Variants in COL5A3 observed in about 807,000 individuals in gnomAD.
COL5A3 encodes the protein collagen type V alpha 3 chain, also known as collagen alpha-3(V) chain.
In COL5A3, 172 loss-of-function variants were observed where a neutral mutation model predicts 250.0. That is an observed-to-expected ratio of 0.69 (90% CI 0.61 to 0.78). The LOEUF (loss-of-function observed/expected upper bound fraction) is 0.78, where lower values mean the gene tolerates loss of function less well. Among genes scored for constraint, COL5A3 ranks in the 30% least tolerant of loss-of-function variants. The probability of loss-of-function intolerance (pLI) is 0.00; values close to 1 mark genes in which losing one functional copy is unlikely to be tolerated. For missense variants in COL5A3, 2,340 were observed against 2,334.4 expected, an observed-to-expected ratio of 1.00 and a Z score of -0.05; for synonymous variants, 937 against 900.4, an observed-to-expected ratio of 1.04 and a Z score of -0.73.
Position 9,960,147 on chromosome 19 carries a change from G to T in COL5A3, c.*264C>A. 1.9e-6 allele frequency: 1 copy of T among 521,100 alleles called. No individual in the cohort carries two copies. The allele number at this position is 521,100 out of a possible 1,614,324, so 32.3% of individuals were successfully genotyped here. A position where few individuals can be genotyped will look rare whatever the true frequency, so the allele number is the denominator to read the frequency against. On this transcript the variant is annotated 3_prime_UTR_variant, in exon 67 of 67. Coordinates refer to ENST00000264828, the MANE Select transcript of COL5A3 (RefSeq NM_015719.4). ...GGGGGTTCAAGGGGTGGGGAGGTGA[G>T]GCTTGGGTGGGGAGGGAGGGGAGAA...
intron 44 of COL5A3, 42 bp downstream of exon 44, chr19:9,977,187 C>G: frequency 6.3e-7 from 1 of 1,597,588 alleles, no homozygotes; most frequent in South Asian, 1.1e-5. Flanking sequence ...CTCTTTCTTC[C>G]GCTACCCACC....
chr19:9,980,774 T>TG (rs769101026), intron 34 of COL5A3, 32 bp downstream of exon 34: 2 of 1,613,238 alleles, frequency 1.2e-6, no homozygotes, highest in Non-Finnish European at 1.7e-6. Context: ...GCCTGGGGCA[T>TG]GGGGGGCCTT....
intron 4 of COL5A3, 119 bp downstream of exon 4, chr19:10,005,439 A>G: frequency 9.6e-7 from 1 of 1,040,164 alleles, no homozygotes; most frequent in Non-Finnish European, 1.4e-6. Flanking sequence ...CGCTTCCCTT[A>G]GCTTCCTGGG....
intron 8 of COL5A3, among the ~76,000 whole-genome samples, chr19:10,000,452 CTTTTTTT>C (rs576119335): frequency 0.037 from 2,307 of 62,762 alleles, 137 homozygotes; most frequent in African/African-American, 0.15. Flanking sequence ...CCAGAGAGCT[CTTTTTTT>C]TTTTTTTTTT....
rs1404080352 is a variant in COL5A3 at position 9,966,584 on chromosome 19, C to T, written c.4621G>A (p.Gly1541Ser). 1 of 1,541,522 alleles carries T rather than the reference C, an allele frequency of 6.5e-7. No individual in the cohort carries two copies. Among genetic ancestry groups the T allele is most frequent in the East Asian group, 2.4e-5 (1 of 41,000 alleles). ...CGGTGCAGCTCGTGGCACACGAGGC[C>T]CGGGCGCTCCGCAGTGCCGGGAGGA... ...RRPPGTAERP[G>S]LVCHELHRNH... The change falls in exon 63 of 67, where the codon GGC becomes AGC. Residue 1541 changes from glycine to serine, a missense_variant. Physicochemically the swap from Gly to Ser is moderately conservative, Grantham distance 56. Coordinates refer to ENST00000264828, the MANE Select transcript of COL5A3 (RefSeq NM_015719.4).
intron 8 of COL5A3, among the ~76,000 whole-genome samples, chr19:10,001,135 T>C (rs2087354161): frequency 6.6e-6 from 1 of 152,054 alleles, no homozygotes; most frequent in Admixed American, 6.5e-5. Flanking sequence ...AATTAAATAA[T>C]TTTTTTAAAT....
At chr19:9,974,877 TTGTTTTTG>T (rs567395006) in intron 45 of COL5A3, among the ~76,000 whole-genome samples, 27 of 152,028 alleles carry the variant, frequency 1.8e-4, no homozygotes, top group African/African-American at 6.0e-4. Context: ...GTTTGTTTGT[TTGTTTTTG>T]TTTGTTTGTT....
chr19:9,972,842 A>G, intron 51 of COL5A3, 77 bp downstream of exon 51: 4 of 1,195,322 alleles, frequency 3.3e-6, no homozygotes, highest in Non-Finnish European at 4.6e-6. Flanking sequence ...CTCAAAAAAA[A>G]AAAAAAGTTT....
chr19:9,981,155 AAAGCAG>A (rs1446145016), intron 32 of COL5A3, 23 bp from the exon 33 acceptor site: 1 of 1,612,834 alleles, frequency 6.2e-7, no homozygotes, highest in South Asian at 1.1e-5. Flanking sequence ...TGTAAGAGAG[AAAGCAG>A]AAGAGAGTTA....
chr19:10,006,253 G>A lies in COL5A3; in HGVS notation c.89-22C>T, dbSNP rs777276604. ...GGATCTGCAGCAGAGAGAAGCCGGG[G>A]GTGTCAGGCAGAGGTGGGGAACAGC... On this transcript the variant is annotated intron_variant, in intron 1 of 66. Coordinates refer to ENST00000264828, the MANE Select transcript of COL5A3 (RefSeq NM_015719.4). The A allele has an allele frequency of 2.5e-6, 4 of 1,574,294 alleles. No homozygotes were observed. The African/African-American group carries it at 4.0e-5, about 16-fold the overall frequency.
intron 27 of COL5A3, among the ~76,000 whole-genome samples, chr19:9,988,864 T>A (rs59650873): frequency 0.43 from 53,380 of 123,830 alleles, 12,236 homozygotes; most frequent in African/African-American, 0.61. Flanking sequence ...AAAAAGAAAG[T>A]AAAGAAAAGA....
At chr19:9,995,181 T>C (rs2087251642) in intron 16 of COL5A3, among the ~76,000 whole-genome samples, 1 of 152,202 alleles carries the variant, frequency 6.6e-6, no homozygotes, top group South Asian at 2.1e-4. Context: ...GTGCTGGTAT[T>C]ATAGGCATGA....
chr19:10,004,372 C>G (rs1318681077), intron 4 of COL5A3, among the ~76,000 whole-genome samples: 2 of 152,182 alleles, frequency 1.3e-5, no homozygotes, highest in South Asian at 4.1e-4. Context: ...CACACCCGAT[C>G]CCAACCACAA....
At position 9,960,358 on chromosome 19, in the gene COL5A3, C is replaced by A. The variant is rs2086654626; in HGVS notation, c.*53G>T. 4.3e-6 allele frequency: 7 copies of A among 1,609,316 alleles called. No homozygotes were observed. In the African/African-American group the frequency reaches 6.7e-5, roughly 15 times the overall value. ...TACGGTGGCTTCAAAGCCTCAGCAC[C>A]AAATGCACCCCATTCTGGGGCTCCC... On this transcript the variant is annotated 3_prime_UTR_variant, in exon 67 of 67. Transcript: ENST00000264828.
At chr19:9,970,155 G>T (rs867065582) in intron 54 of COL5A3, among the ~76,000 whole-genome samples, 1 of 104,504 alleles carries the variant, frequency 9.6e-6, no homozygotes, top group Non-Finnish European at 2.0e-5. Context: ...GGTGAGTGGG[G>T]TCTGTGGGGT....
In COL5A3 at chr19:9,960,363, G is replaced by A. The variant is rs75339267; in HGVS notation, c.*48C>T. On this transcript the variant is annotated 3_prime_UTR_variant, in exon 67 of 67. Coordinates refer to ENST00000264828, the MANE Select transcript of COL5A3 (RefSeq NM_015719.4). ...TGGCTTCAAAGCCTCAGCACCAAATGCACCCCATTCTGGGGCTCCCTCATG... is the reference window on the plus strand; with the variant it reads ...TGGCTTCAAAGCCTCAGCACCAAATACACCCCATTCTGGGGCTCCCTCATG... 25 of 1,610,056 alleles carry A rather than the reference G, an allele frequency of 1.6e-5. No homozygotes were observed. In the East Asian group the frequency reaches 5.6e-4, roughly 36 times the overall value.
intron 39 of COL5A3, 35 bp from the exon 40 acceptor site, chr19:9,979,015 G>A (rs998388378): frequency 6.6e-7 from 1 of 1,516,536 alleles, no homozygotes; most frequent in Non-Finnish European, 8.9e-7. Context: ...TCAAGCTCCA[G>A]GGAGGGGATG....
chr19:9,987,146 T>C (rs1004323974), intron 27 of COL5A3, among the ~76,000 whole-genome samples: 10 of 152,204 alleles, frequency 6.6e-5, no homozygotes, highest in African/African-American at 2.4e-4. Context: ...AGATGACCTC[T>C]GTGCTTGGCT....
At position 10,009,553 on chromosome 19, in the gene COL5A3, C is replaced by T. The variant is rs954262225; in HGVS notation, c.88+745G>A. The stretch of plus-strand genomic sequence containing the variant: ...CGCCCCGCCCCGTCTCGCCCCTCAC[C>T]GCGGCCCTCCCCGAAGCCCTGTCCA... On this transcript the variant is annotated intron_variant, in intron 1 of 66. Transcript: ENST00000264828. The surrounding 1 kb of genome is among the most constrained non-coding windows in gnomAD (Gnocchi z 4.4). Among the ~76,000 whole-genome samples, 2 of 152,114 alleles carry T rather than the reference C, an allele frequency of 1.3e-5. No individual in the cohort carries two copies. Among genetic ancestry groups the T allele is most frequent in the Non-Finnish European group, 2.9e-5 (2 of 68,024 alleles).
Sources: allele counts gnomAD v4.1 joint callset (sites outside exome capture counted in the v4.1 genomes callset), GRCh38; gene constraint gnomAD v4.1.1; non-coding constraint Gnocchi (gnomAD v3.1); transcripts MANE v1.5; gene names NCBI Gene and HGNC (gene_info 2026-07-23, HGNC 2026-07-21).